Variants in DLGAP4 observed in about 807,000 individuals in gnomAD.
DLGAP4 encodes the protein DLG associated protein 4.
Under a neutral mutation model 86.9 loss-of-function variants are expected in DLGAP4, and 18 were observed. That is an observed-to-expected ratio of 0.21 (90% CI 0.14 to 0.31). The LOEUF (loss-of-function observed/expected upper bound fraction) is 0.31, where lower values mean the gene tolerates loss of function less well. Ranked by LOEUF, DLGAP4 falls within the 10% of genes least tolerant of loss-of-function variation. The pLI is 1.00. For missense variants in DLGAP4, 1,085 were observed against 1,362.6 expected, an observed-to-expected ratio of 0.80 and a Z score of 3.21; for synonymous variants, 548 against 574.3, an observed-to-expected ratio of 0.95 and a Z score of 0.65.
chr20:36,477,652 C>T (rs974759262), intron 7 of DLGAP4, among the ~76,000 whole-genome samples: 5 of 152,058 alleles, frequency 3.3e-5, no homozygotes, highest in African/African-American at 1.2e-4. Context: ...TGGGCCAAGT[C>T]CCTCCACCTG....
chr20:36,341,791 G>A (rs972004213), intron 1 of DLGAP4, among the ~76,000 whole-genome samples: 2 of 152,316 alleles, frequency 1.3e-5, no homozygotes, highest in South Asian at 2.1e-4. Context: ...CCCAGACATC[G>A]GGGGAAGGGC....
intron 1 of DLGAP4, among the ~76,000 whole-genome samples, chr20:36,346,216 A>T (rs1005134658): frequency 6.6e-6 from 1 of 152,214 alleles, no homozygotes; most frequent in African/African-American, 2.4e-5. Flanking sequence ...GAGTCCAAGG[A>T]CTGACGGCTG....
chr20:36,440,394 C>T (rs1201670202), intron 5 of DLGAP4, among the ~76,000 whole-genome samples: 1 of 152,176 alleles, frequency 6.6e-6, no homozygotes, highest in African/African-American at 2.4e-5. Context: ...CAAGTGACTG[C>T]TCACTTTGAA....
chr20:36,496,822 A>T lies in DLGAP4; in HGVS notation c.1766A>T (p.Tyr589Phe). The change falls in exon 8 of 13, where the codon TAC becomes TTC. Residue 589 changes from tyrosine (Y) to phenylalanine (F), a missense_variant. Coordinates refer to ENST00000339266, the MANE Select transcript of DLGAP4 (RefSeq NM_001365621.2). ...QSSTESAQDT[Y>F]LDSQDHKSEV... is the part of the protein sequence containing the mutation. ...AGTACTGAGTCTGCCCAGGACACCT[A>T]CCTGGACAGCCAGGACCACAAGAGC... is the stretch of plus-strand genomic sequence containing the variant. 1.2e-6 allele frequency: 2 copies of T among 1,614,162 alleles called. No individual in the cohort carries two copies. Among genetic ancestry groups the T allele is most frequent in the Non-Finnish European group, 1.7e-6 (2 of 1,180,022 alleles).
intron 1 of DLGAP4, among the ~76,000 whole-genome samples, chr20:36,317,282 T>TTTCTTA (rs2065115508): frequency 3.3e-5 from 1 of 30,380 alleles, no homozygotes; most frequent in Non-Finnish European, 6.5e-5. Context: ...TTTCTTATCT[T>TTTCTTA]TCTTTCTTTC....
intron 7 of DLGAP4, among the ~76,000 whole-genome samples, chr20:36,487,458 C>G (rs547912020): frequency 3.2e-4 from 49 of 152,256 alleles, no homozygotes; most frequent in Middle Eastern, 3.4e-3. Context: ...TTAGAGCAGC[C>G]CCAGGAAGCT....
chr20:36,467,064 C>CTCTCTCTCCCTCT (rs1555907464), intron 7 of DLGAP4, among the ~76,000 whole-genome samples: 1 of 118,144 alleles, frequency 8.5e-6, no homozygotes, highest in African/African-American at 4.9e-5. Context: ...CTCTCTCTCT[C>CTCTCTCTCCCTCT]CCCCCCCCTT....
At chr20:36,326,718 C>A (rs2147352102) in intron 1 of DLGAP4, among the ~76,000 whole-genome samples, 1 of 152,164 alleles carries the variant, frequency 6.6e-6, no homozygotes, top group East Asian at 1.9e-4. Flanking sequence ...TTTCCTTCAG[C>A]CTGAAGGATT....
At chr20:36,352,103 A>G (rs776498026) in intron 1 of DLGAP4, among the ~76,000 whole-genome samples, 1 of 152,138 alleles carries the variant, frequency 6.6e-6, no homozygotes, top group Non-Finnish European at 1.5e-5. Flanking sequence ...TCCAGGGAAG[A>G]GTGGTCCTGG....
chr20:36,440,826 G>A (rs1369535210), intron 5 of DLGAP4, among the ~76,000 whole-genome samples: 7 of 151,862 alleles, frequency 4.6e-5, no homozygotes, highest in Non-Finnish European at 7.4e-5. Context: ...GCAGTGGGGC[G>A]GCCAGGTGCG....
At chr20:36,455,825 T>C (rs1227300867) in intron 7 of DLGAP4, among the ~76,000 whole-genome samples, 1 of 151,934 alleles carries the variant, frequency 6.6e-6, no homozygotes, top group African/African-American at 2.4e-5. Context: ...TTGATAAAAT[T>C]GCAGTACACA....
At chr20:36,374,544 T>G (rs1600450785) in intron 2 of DLGAP4, among the ~76,000 whole-genome samples, 1 of 152,028 alleles carries the variant, frequency 6.6e-6, no homozygotes, top group Non-Finnish European at 1.5e-5. Context: ...TGGGGAGCCT[T>G]TGGGGGATAT....
At chr20:36,526,141 T>C in intron 12 of DLGAP4, 135 bp downstream of exon 12, 1 of 1,300,932 alleles carries the variant, frequency 7.7e-7, no homozygotes, top group African/African-American at 1.4e-5. Context: ...CATCCATCAC[T>C]GCGTGGGGTC....
chr20:36,311,677 C>T (rs1409491507), intron 1 of DLGAP4, among the ~76,000 whole-genome samples: 3 of 152,176 alleles, frequency 2.0e-5, no homozygotes, highest in Non-Finnish European at 2.9e-5. Context: ...CTTTCAGCCT[C>T]CCTCACACCC....
chr20:36,429,857 C>T (rs936645336), intron 2 of DLGAP4, among the ~76,000 whole-genome samples: 1 of 152,170 alleles, frequency 6.6e-6, no homozygotes, highest in African/African-American at 2.4e-5. Flanking sequence ...TATTTGGGGG[C>T]CATTATTCTG....
At chr20:36,476,320 T>A (rs2034919778) in intron 7 of DLGAP4, among the ~76,000 whole-genome samples, 1 of 118,448 alleles carries the variant, frequency 8.4e-6, no homozygotes, top group African/African-American at 3.4e-5. Flanking sequence ...GCAACCACCT[T>A]TTTTTTTTTT....
intron 1 of DLGAP4, among the ~76,000 whole-genome samples, chr20:36,313,604 T>C (rs1262441840): frequency 6.6e-6 from 1 of 151,100 alleles, no homozygotes. Flanking sequence ...GGCCTGCTGC[T>C]GGGGGGGCAG....
At chr20:36,525,136 T>C (rs1049419744) in intron 11 of DLGAP4, among the ~76,000 whole-genome samples, 19 of 136,550 alleles carry the variant, frequency 1.4e-4, no homozygotes, top group Admixed American at 5.9e-4. Flanking sequence ...GAGAATGGTG[T>C]GAACCCGGGA....
At chr20:36,523,852 G>A (rs967071747) in intron 10 of DLGAP4, among the ~76,000 whole-genome samples, 4 of 152,216 alleles carry the variant, frequency 2.6e-5, no homozygotes, top group South Asian at 2.1e-4. Context: ...TTGTAGAGAC[G>A]GGATTTCATC....
Sources: allele counts gnomAD v4.1 joint callset (sites outside exome capture counted in the v4.1 genomes callset), GRCh38; gene constraint gnomAD v4.1.1; transcripts MANE v1.5; gene names NCBI Gene and HGNC (gene_info 2026-07-23, HGNC 2026-07-21).